GRID2: variants seen among roughly 807,000 people sequenced by gnomAD.
GRID2 encodes glutamate ionotropic receptor delta type subunit 2.
GRID2 carries 33 observed loss-of-function variants against 114.8 expected under a neutral mutation model. The ratio of observed to expected loss-of-function variants is 0.29; its 90% CI spans 0.22 to 0.38. The LOEUF (loss-of-function observed/expected upper bound fraction) is 0.38. Among genes scored for constraint, GRID2 ranks in the 10% least tolerant of loss-of-function variants. The probability of loss-of-function intolerance (pLI) is 1.00; values close to 1 mark genes in which losing one functional copy is unlikely to be tolerated. For synonymous variants in GRID2, 505 were observed against 449.9 expected (o/e 1.12, Z -1.55); for missense variants, 1,184 against 1,257.7 (o/e 0.94, Z 0.89).
intron 2 of GRID2, among the ~76,000 whole-genome samples, chr4:92,828,433 G>C (rs1741882687): frequency 6.6e-6 from 1 of 152,046 alleles, no homozygotes; most frequent in African/African-American, 2.4e-5. Flanking sequence ...AAACAACTTG[G>C]TCTAAGCAGT....
chr4:92,467,203 A>G (rs994422350), intron 1 of GRID2, among the ~76,000 whole-genome samples: 3 of 151,936 alleles, frequency 2.0e-5, no homozygotes, highest in African/African-American at 7.2e-5. Context: ...CCTATGAAGT[A>G]TGAATTTTTT....
intron 7 of GRID2, among the ~76,000 whole-genome samples, chr4:93,229,217 G>C (rs1745840431): frequency 6.6e-6 from 1 of 152,056 alleles, no homozygotes; most frequent in Admixed American, 6.6e-5. Context: ...CACCTATTTA[G>C]ATGTCAATGC....
intron 1 of GRID2, among the ~76,000 whole-genome samples, chr4:92,516,939 CTGTT>C (rs1368968809): frequency 6.6e-6 from 1 of 151,898 alleles, no homozygotes; most frequent in African/African-American, 2.4e-5. Flanking sequence ...AATCATAGCT[CTGTT>C]TTCATTTTAA....
At chr4:93,803,476 C>G (rs542089467) in intron 1 of GRID2, among the ~76,000 whole-genome samples, 1 of 152,296 alleles carries the variant, frequency 6.6e-6, no homozygotes, top group South Asian at 2.1e-4. Context: ...GTAATCCCAG[C>G]ACTTTGGGAG....
At chr4:92,891,763 G>T (rs1746799487) in intron 2 of GRID2, among the ~76,000 whole-genome samples, 1 of 152,280 alleles carries the variant, frequency 6.6e-6, no homozygotes, top group Admixed American at 6.5e-5. Flanking sequence ...AGAGTCATAA[G>T]TACTGGGGGT....
chr4:92,548,566 G>T (rs1408447075), intron 1 of GRID2, among the ~76,000 whole-genome samples: 1 of 151,320 alleles, frequency 6.6e-6, no homozygotes, highest in Non-Finnish European at 1.5e-5. Flanking sequence ...GCTAATTTTT[G>T]TGTTTTTAGT....
At chr4:93,104,770 G>C (rs1294594602) in intron 3 of GRID2, among the ~76,000 whole-genome samples, 1 of 152,142 alleles carries the variant, frequency 6.6e-6, no homozygotes, top group Non-Finnish European at 1.5e-5. Flanking sequence ...ATAAACATAC[G>C]TGTGCATGTG....
intron 8 of GRID2, among the ~76,000 whole-genome samples, chr4:93,349,734 G>A (rs1412686096): frequency 6.6e-6 from 1 of 151,992 alleles, no homozygotes; most frequent in East Asian, 1.9e-4. Flanking sequence ...CAGTGTTCCA[G>A]GGCAGGATTA....
chr4:92,866,224 A>T (rs930097193), intron 2 of GRID2, among the ~76,000 whole-genome samples: 1 of 152,168 alleles, frequency 6.6e-6, no homozygotes, highest in Non-Finnish European at 1.5e-5. Context: ...CAAATTGTTG[A>T]TACAGACATA....
chr4:92,514,595 A>G (rs565657065), intron 1 of GRID2, among the ~76,000 whole-genome samples: 3 of 152,032 alleles, frequency 2.0e-5, no homozygotes, highest in African/African-American at 7.2e-5. Flanking sequence ...CTGACTTCAC[A>G]AGTTTTCACA....
At chr4:93,348,480 A>G (rs984546717) in intron 8 of GRID2, among the ~76,000 whole-genome samples, 1 of 152,196 alleles carries the variant, frequency 6.6e-6, no homozygotes, top group African/African-American at 2.4e-5. Flanking sequence ...CAATGCAGTT[A>G]ATGAAAATGT....
At chr4:92,770,979 T>A (rs961324776) in intron 2 of GRID2, among the ~76,000 whole-genome samples, 4 of 151,738 alleles carry the variant, frequency 2.6e-5, no homozygotes, top group African/African-American at 9.7e-5. Context: ...ACAGTACTTC[T>A]GACAGATGGC....
At chr4:92,340,375 A>G (rs149503437) in intron 1 of GRID2, among the ~76,000 whole-genome samples, 22 of 152,318 alleles carry the variant, frequency 1.4e-4, no homozygotes, top group African/African-American at 4.8e-4. Context: ...TGTTATTTAC[A>G]GCATCTCAGA....
At position 93,790,658 on chromosome 4, in the gene GRID2, A is replaced by G. The variant is rs544546137; in HGVS notation, c.222-16057A>G. Among the ~76,000 whole-genome samples the G allele has an allele frequency of 3.2e-4, 49 of 152,308 alleles. 1 individual carries two copies. The highest frequency in any genetic ancestry group is 3.2e-4 in the Non-Finnish European group (22 of 68,018). On this transcript the variant is annotated intron_variant, in intron 1 of 1. Transcript: ENST00000637838. ...AATATTTAAAATAACATTTTTAAAA[A>G]CTAATCTTTTGACAAACATGTTCAT...
chr4:93,139,214 A>C (rs2149384211), intron 4 of GRID2, among the ~76,000 whole-genome samples: 1 of 152,298 alleles, frequency 6.6e-6, no homozygotes, highest in Admixed American at 6.5e-5. Flanking sequence ...ACAATCCTAA[A>C]CCCAGAGGGG....
At chr4:93,458,722 A>C (rs1409767300) in intron 11 of GRID2, among the ~76,000 whole-genome samples, 1 of 152,202 alleles carries the variant, frequency 6.6e-6, no homozygotes, top group Non-Finnish European at 1.5e-5. Flanking sequence ...AAATAAAACA[A>C]TGAATTAGAC....
intron 5 of GRID2, among the ~76,000 whole-genome samples, chr4:93,208,440 TG>T (rs1170894649): frequency 2.0e-5 from 3 of 151,942 alleles, no homozygotes; most frequent in Admixed American, 1.3e-4. Context: ...ACACAGTGCT[TG>T]ACAAATGACA....
At chr4:93,633,227 A>C (rs2149701465) in intron 14 of GRID2, among the ~76,000 whole-genome samples, 1 of 151,996 alleles carries the variant, frequency 6.6e-6, no homozygotes, top group South Asian at 2.1e-4. Context: ...ATAAACTATT[A>C]GAATATTTAA....
At chr4:92,808,049 A>G (rs1740500741) in intron 2 of GRID2, among the ~76,000 whole-genome samples, 1 of 152,006 alleles carries the variant, frequency 6.6e-6, no homozygotes, top group Non-Finnish European at 1.5e-5. Flanking sequence ...TTGTAATCAT[A>G]AGGGTTCTTG....
Sources: allele counts gnomAD v4.1 joint callset (sites outside exome capture counted in the v4.1 genomes callset), GRCh38; gene constraint gnomAD v4.1.1; transcripts MANE v1.5; gene names NCBI Gene and HGNC (gene_info 2026-07-23, HGNC 2026-07-21).